The following ANKRD31 variants were observed in gnomAD, a reference collection of about 807,000 sequenced individuals.
ANKRD31 encodes the protein ankyrin repeat domain 31.
A neutral mutation model predicts 186.0 loss-of-function variants in ANKRD31; 147 were observed. The observed-to-expected ratio is 0.79, with a 90% CI of 0.69 to 0.91. ANKRD31 has a LOEUF of 0.91. Among genes scored for constraint, ANKRD31 ranks in the 40% least tolerant of loss-of-function variants. The probability of loss-of-function intolerance (pLI) is 0.00; values close to 1 mark genes in which losing one functional copy is unlikely to be tolerated. For synonymous variants in ANKRD31, 673 were observed against 736.4 expected (o/e 0.91, Z 1.39); for missense variants, 1,986 against 2,148.8 (o/e 0.92, Z 1.50).
At chr5:75,229,919 C>T (rs1757851963) in intron 2 of ANKRD31, among the ~76,000 whole-genome samples, 1 of 149,272 alleles carries the variant, frequency 6.7e-6, no homozygotes, top group African/African-American at 2.5e-5. Context: ...GCAAGGGCCA[C>T]TCTCTGTGGA....
At chr5:75,087,545 T>G (rs938418871) in intron 23 of ANKRD31, among the ~76,000 whole-genome samples, 1 of 151,842 alleles carries the variant, frequency 6.6e-6, no homozygotes, top group Admixed American at 6.6e-5. Context: ...AATCTGTTCA[T>G]GGATGATCAA....
intron 20 of ANKRD31, among the ~76,000 whole-genome samples, chr5:75,107,921 T>C (rs1031176509): frequency 1.3e-5 from 2 of 152,028 alleles, no homozygotes; most frequent in Non-Finnish European, 2.9e-5. Flanking sequence ...ACCTGTGAAA[T>C]GAAGGTAGTA....
intron 9 of ANKRD31, among the ~76,000 whole-genome samples, chr5:75,191,997 ATTCT>A (rs1755147687): frequency 1.3e-5 from 2 of 152,086 alleles, no homozygotes; most frequent in African/African-American, 4.8e-5. Flanking sequence ...ACTTTAAACC[ATTCT>A]TTCTTCTAAA....
Position 75,104,302 on chromosome 5 carries a change from A to G in ANKRD31, c.5257T>C (p.Cys1753Arg). The change falls in exon 22 of 26, where the codon TGT becomes CGT. Residue 1753 changes from cysteine to arginine, a missense_variant. Coordinates refer to ENST00000506364, the MANE Select transcript of ANKRD31 (RefSeq NM_001372053.1). ...AATATCAAATCTTTTATCTGAATAC[A>G]TTTCTTTTTAGGAGCTGTACTGTAG... is the stretch of plus-strand genomic sequence containing the variant. ...LNYSTAPKKK[C>R]IQIKDLILLG... 1.3e-6 allele frequency: 2 copies of G among 1,536,308 alleles called. No homozygotes were observed. Among genetic ancestry groups the G allele is most frequent in the Admixed American group, 2.0e-5 (1 of 50,924 alleles).
At chr5:75,200,324 A>T in intron 5 of ANKRD31, among the ~76,000 whole-genome samples, 2 of 142,220 alleles carry the variant, frequency 1.4e-5, no homozygotes, top group East Asian at 2.1e-4. Flanking sequence ...TTTGAGATGG[A>T]GTCTCGCTCT....
chr5:75,204,176 A>G (rs1046066234), intron 5 of ANKRD31, among the ~76,000 whole-genome samples: 4 of 152,244 alleles, frequency 2.6e-5, no homozygotes, highest in Non-Finnish European at 4.4e-5. Context: ...TTTCAAATAT[A>G]TAAAAGACTA....
At chr5:75,156,399 A>G (rs762602184) in intron 11 of ANKRD31, among the ~76,000 whole-genome samples, 1 of 152,192 alleles carries the variant, frequency 6.6e-6, no homozygotes, top group African/African-American at 2.4e-5. Flanking sequence ...CAATATTTGC[A>G]CATTGCAAAA....
chr5:75,235,885 T>C lies in ANKRD31; in HGVS notation c.104+698A>G, dbSNP rs368375914. On this transcript the variant is annotated intron_variant, in intron 1 of 25. Transcript: ENST00000506364. ...TCAAAGAAACCTGTCTTTCTGATCATATGAACTGGCAAGTGGGTATGATGA... is the reference window on the plus strand; with the variant it reads ...TCAAAGAAACCTGTCTTTCTGATCACATGAACTGGCAAGTGGGTATGATGA... Among the ~76,000 whole-genome samples, 8 of 151,692 alleles carry C rather than the reference T, an allele frequency of 5.3e-5. No individual in the cohort carries two copies. In the East Asian group the frequency reaches 1.4e-3, roughly 26 times the overall value.
At chr5:75,216,124 C>A (rs1052940211) in intron 3 of ANKRD31, among the ~76,000 whole-genome samples, 19 of 152,078 alleles carry the variant, frequency 1.2e-4, no homozygotes, top group Admixed American at 1.2e-3. Context: ...CTTCACTTAT[C>A]CTTCTTAATC....
chr5:75,221,311 T>C (rs1322596028), intron 3 of ANKRD31, among the ~76,000 whole-genome samples: 2 of 152,168 alleles, frequency 1.3e-5, no homozygotes, highest in Non-Finnish European at 2.9e-5. Context: ...ATGACATAAA[T>C]GTCAAAATCA....
At chr5:75,145,776 C>T (rs1222498580) in intron 14 of ANKRD31, among the ~76,000 whole-genome samples, 1 of 151,984 alleles carries the variant, frequency 6.6e-6, no homozygotes, top group Non-Finnish European at 1.5e-5. Context: ...CAGTCAATAT[C>T]AGCTTAGCAA....
At chr5:75,173,406 T>G (rs1411422322) in intron 10 of ANKRD31, among the ~76,000 whole-genome samples, 1 of 152,008 alleles carries the variant, frequency 6.6e-6, no homozygotes, top group African/African-American at 2.4e-5. Context: ...GAGAAAGAAA[T>G]AAAGAGGATT....
chr5:75,172,646 T>G (rs138441350), intron 10 of ANKRD31, among the ~76,000 whole-genome samples: 7,552 of 152,004 alleles, frequency 0.05, 452 homozygotes, highest in African/African-American at 0.14. Flanking sequence ...AGAAGAAATG[T>G]ATAAATTCCT....
chr5:75,149,092 G>A (rs909777233), intron 12 of ANKRD31, among the ~76,000 whole-genome samples: 2 of 151,812 alleles, frequency 1.3e-5, no homozygotes, highest in East Asian at 1.9e-4. Context: ...GATGGAAAAG[G>A]CCAACCGTCT....
chr5:75,225,008 T>C (rs1315776182), intron 2 of ANKRD31, among the ~76,000 whole-genome samples: 2 of 152,180 alleles, frequency 1.3e-5, no homozygotes, highest in African/African-American at 2.4e-5. Context: ...TTATCTATAT[T>C]AAAATAGGCC....
In ANKRD31 at chr5:75,108,673, A is replaced by G. The variant is rs1166923770; in HGVS notation, c.4244-1056T>C. Among the ~76,000 whole-genome samples, 8 of 152,218 alleles carry G rather than the reference A, an allele frequency of 5.3e-5. No homozygotes were observed. The Middle Eastern group carries it at 0.02, about 388-fold the overall frequency. On this transcript the variant is annotated intron_variant, in intron 20 of 25. Coordinates refer to ENST00000506364, the MANE Select transcript of ANKRD31 (RefSeq NM_001372053.1). ...ATTCCCTCAGCAAATCAGACACATG[A>G]TTTGGTAAGTATTGAGTCAGTGTCC...
intron 3 of ANKRD31, among the ~76,000 whole-genome samples, chr5:75,219,541 A>G (rs574807292): frequency 6.6e-6 from 1 of 152,314 alleles, no homozygotes; most frequent in African/African-American, 2.4e-5. Context: ...AACATTCCAT[A>G]CTCATGAATA....
At chr5:75,148,314 A>G (rs561099469) in intron 13 of ANKRD31, among the ~76,000 whole-genome samples, 1 of 151,974 alleles carries the variant, frequency 6.6e-6, no homozygotes, top group Admixed American at 6.6e-5. Flanking sequence ...GGCCACAGGA[A>G]ATTAGACATA....
intron 10 of ANKRD31, among the ~76,000 whole-genome samples, chr5:75,185,555 T>TCA (rs779928840): frequency 6.6e-5 from 10 of 151,344 alleles, no homozygotes; most frequent in Non-Finnish European, 7.4e-5. Flanking sequence ...AGATTCCATC[T>TCA]CACACACACA....
Sources: allele counts gnomAD v4.1 joint callset (sites outside exome capture counted in the v4.1 genomes callset), GRCh38; gene constraint gnomAD v4.1.1; transcripts MANE v1.5; gene names NCBI Gene and HGNC (gene_info 2026-07-23, HGNC 2026-07-21).